Variants in CALN1 observed in about 807,000 individuals in gnomAD.
The protein encoded by CALN1 is calneuron 1.
CALN1 carries 17 observed loss-of-function variants against 30.6 expected under a neutral mutation model. The observed-to-expected ratio is 0.56, with a 90% CI of 0.38 to 0.83. The LOEUF (loss-of-function observed/expected upper bound fraction) is 0.83, where lower values mean the gene tolerates loss of function less well. CALN1 is among the 40% of genes least tolerant of loss of function. CALN1 has a pLI of 0.00. For missense variants in CALN1, 291 were observed against 354.9 expected (o/e 0.82, Z 1.45); for synonymous variants, 156 against 131.4 (o/e 1.19, Z -1.28).
At chr7:72,205,374 G>A (rs776998703) in intron 3 of CALN1, among the ~76,000 whole-genome samples, 5 of 149,912 alleles carry the variant, frequency 3.3e-5, no homozygotes, top group Non-Finnish European at 7.4e-5. Context: ...CTAATTTTTT[G>A]TATTTTTAGT....
the CALN1 span, among the ~76,000 whole-genome samples, chr7:72,502,306 A>C: frequency 6.7e-6 from 1 of 150,224 alleles, no homozygotes; most frequent in Non-Finnish European, 1.5e-5. Context: ...AGATTTTTTA[A>C]CTGAATTCTG....
intron 5 of CALN1, among the ~76,000 whole-genome samples, chr7:71,982,235 G>A (rs981221649): frequency 6.6e-6 from 1 of 152,150 alleles, no homozygotes; most frequent in African/African-American, 2.4e-5. Flanking sequence ...AATGAAGGTG[G>A]CGGTGGCCAC....
At chr7:71,918,183 A>G (rs1794774281) in intron 5 of CALN1, among the ~76,000 whole-genome samples, 1 of 152,240 alleles carries the variant, frequency 6.6e-6, no homozygotes, top group South Asian at 2.1e-4. Context: ...TCTTAGGAAC[A>G]TTAAAACACT....
intron 5 of CALN1, among the ~76,000 whole-genome samples, chr7:71,951,356 C>T (rs960878195): frequency 1.3e-5 from 2 of 152,076 alleles, no homozygotes; most frequent in African/African-American, 2.4e-5. Flanking sequence ...TTTGGGAGGC[C>T]GAGGCAGCTG....
chr7:71,840,376 T>C (rs1789864284), intron 5 of CALN1, among the ~76,000 whole-genome samples: 1 of 151,300 alleles, frequency 6.6e-6, no homozygotes, highest in East Asian at 2.0e-4. Context: ...TCCCAGCTAC[T>C]TGGGAAGCTG....
chr7:72,277,935 G>T (rs1447270015), intron 3 of CALN1, among the ~76,000 whole-genome samples: 2 of 144,090 alleles, frequency 1.4e-5, no homozygotes, highest in African/African-American at 2.6e-5. Context: ...AGGGAAAACT[G>T]ATTCTGGTTT....
At chr7:71,929,471 TC>T (rs746295375) in intron 5 of CALN1, among the ~76,000 whole-genome samples, 5 of 152,228 alleles carry the variant, frequency 3.3e-5, no homozygotes, top group Admixed American at 6.5e-5. Flanking sequence ...ATGATCTCAT[TC>T]CTTTTTATGG....
At chr7:71,903,414 C>G (rs1793967539) in intron 5 of CALN1, among the ~76,000 whole-genome samples, 2 of 152,126 alleles carry the variant, frequency 1.3e-5, no homozygotes, top group Admixed American at 6.5e-5. Context: ...TTACAGCCAA[C>G]TGATTTTTGA....
the CALN1 span, among the ~76,000 whole-genome samples, chr7:72,457,467 C>G: frequency 7.9e-5 from 12 of 152,120 alleles, no homozygotes; most frequent in Non-Finnish European, 1.8e-4. Context: ...CTGTACACAC[C>G]TTGGGGCCTT....
intron 2 of CALN1, among the ~76,000 whole-genome samples, chr7:72,346,472 C>T (rs1289756574): frequency 2.0e-5 from 3 of 152,110 alleles, no homozygotes; most frequent in East Asian, 3.8e-4. Flanking sequence ...TCCTGATTCT[C>T]CCATATATAA....
At chr7:71,958,287 C>T (rs570166422) in intron 5 of CALN1, among the ~76,000 whole-genome samples, 25 of 152,082 alleles carry the variant, frequency 1.6e-4, no homozygotes, top group African/African-American at 5.1e-4. Flanking sequence ...CTACTGTTCC[C>T]CTCTGTTTGT....
At position 72,359,708 on chromosome 7, in the gene CALN1, G is replaced by T. The variant is rs150751738; in HGVS notation, c.119+43543C>A. 4.6e-3 allele frequency among the ~76,000 whole-genome samples: 707 copies of T among 152,212 alleles called. 5 individuals are homozygous for T. Among genetic ancestry groups the T allele is most frequent in the African/African-American group, 0.016 (680 of 41,508 alleles). On this transcript the variant is annotated intron_variant, in intron 2 of 6. Transcript: ENST00000395275. Reference sequence around the variant, plus strand: ...ACCTGGATTGGGGCCGGGAAAGATGGCTCACGCCTGTAATCTCAGCACTTT... The same window carrying T: ...ACCTGGATTGGGGCCGGGAAAGATGTCTCACGCCTGTAATCTCAGCACTTT...
chr7:72,124,107 A>G (rs1436972622), intron 3 of CALN1, among the ~76,000 whole-genome samples: 1 of 152,164 alleles, frequency 6.6e-6, no homozygotes, highest in East Asian at 1.9e-4. Flanking sequence ...ACACACACCA[A>G]TCATTCCGTA....
Position 71,839,886 on chromosome 7 carries a change from A to G in CALN1, c.502-29394T>C, listed in dbSNP as rs187926003. Among the ~76,000 whole-genome samples the G allele has an allele frequency of 7.2e-5, 11 of 152,290 alleles. No individual in the cohort carries two copies. In the East Asian group the frequency reaches 9.7e-4, roughly 13 times the overall value. On this transcript the variant is annotated intron_variant, in intron 5 of 6. Transcript: ENST00000395275. ...TTACAAAAAAGTCACATGCCCACCCAGATTCAAAGGGTGGGAAGGTGGACC... is the reference window on the plus strand; with the variant it reads ...TTACAAAAAAGTCACATGCCCACCCGGATTCAAAGGGTGGGAAGGTGGACC...
chr7:72,173,687 G>T (rs745533911), intron 3 of CALN1, among the ~76,000 whole-genome samples: 27 of 151,780 alleles, frequency 1.8e-4, no homozygotes, highest in Non-Finnish European at 3.7e-4. Context: ...AAAGAAAGGT[G>T]GTTTTGTTTG....
chr7:72,104,333 G>C (rs1270414747), intron 4 of CALN1: 2 of 152,214 alleles, frequency 1.3e-5, no homozygotes, highest in Non-Finnish European at 2.9e-5. Context: ...AGGGGGATTG[G>C]GAGGTGATGG....
At chr7:72,396,165 G>A (rs1163865871) in intron 2 of CALN1, among the ~76,000 whole-genome samples, 1 of 147,610 alleles carries the variant, frequency 6.8e-6, no homozygotes, top group Non-Finnish European at 1.5e-5. Flanking sequence ...GGGAAGCCAA[G>A]GCAGGCAGAT....
chr7:72,366,946 TAAATA>T (rs1353538177), intron 2 of CALN1, among the ~76,000 whole-genome samples: 1 of 152,032 alleles, frequency 6.6e-6, no homozygotes, highest in African/African-American at 2.4e-5. Context: ...ATAAAATGGA[TAAATA>T]AATTATGATA....
intron 5 of CALN1, among the ~76,000 whole-genome samples, chr7:71,819,896 C>T (rs917091348): frequency 2.6e-5 from 4 of 152,110 alleles, no homozygotes; most frequent in Non-Finnish European, 4.4e-5. Context: ...CCACAACCAT[C>T]GGAATGGACC....
Sources: gnomAD v4.1 joint callset for allele counts (sites outside exome capture counted in the v4.1 genomes callset) on GRCh38, gnomAD v4.1.1 for gene constraint, MANE v1.5 for transcripts, NCBI Gene and HGNC (gene_info 2026-07-23, HGNC 2026-07-21) for gene names.